Variants in RHEX observed in about 807,000 individuals in gnomAD.
RHEX encodes the protein regulator of hemoglobinization and erythroid cell expansion protein.
Under a neutral mutation model 20.1 loss-of-function variants are expected in RHEX, and 18 were observed. The observed-to-expected ratio is 0.90, with a 90% CI of 0.62 to 1.33. RHEX has a LOEUF of 1.33. Ranked by LOEUF, RHEX falls within the 40% of genes most tolerant of loss-of-function variation. RHEX has a pLI of 0.00. For synonymous variants in RHEX, 87 were observed against 77.1 expected, an observed-to-expected ratio of 1.13 and a Z score of -0.67; for missense variants, 192 against 214.3, an observed-to-expected ratio of 0.90 and a Z score of 0.65.
chr1:206,094,433 G>T (rs1663026503), intron 1 of RHEX, among the ~76,000 whole-genome samples: 1 of 152,200 alleles, frequency 6.6e-6, no homozygotes, highest in South Asian at 2.1e-4. Flanking sequence ...CACCATCGTG[G>T]TGGAGGATTT....
At chr1:206,053,720 G>T (rs955484572) in intron 1 of RHEX, among the ~76,000 whole-genome samples, 47 of 152,188 alleles carry the variant, frequency 3.1e-4, no homozygotes, top group Non-Finnish European at 5.9e-4. Flanking sequence ...AAGGAAGCCT[G>T]GACAGGTCCC....
chr1:206,101,685 C>T (rs1213389846), intron 5 of RHEX, 67 bp from the exon 6 acceptor site: 22 of 1,234,114 alleles, frequency 1.8e-5, no homozygotes, highest in Non-Finnish European at 2.2e-5. Flanking sequence ...AGAGTTCAGT[C>T]CTGGGGTCTT....
intron 1 of RHEX, among the ~76,000 whole-genome samples, chr1:206,059,540 G>T (rs1222414818): frequency 6.6e-6 from 1 of 152,124 alleles, no homozygotes; most frequent in Non-Finnish European, 1.5e-5. Flanking sequence ...TGGCCTGAGG[G>T]GTGCTATCTG....
chr1:206,096,291 C>T (rs1663066986), intron 1 of RHEX, among the ~76,000 whole-genome samples: 2 of 152,256 alleles, frequency 1.3e-5, no homozygotes, highest in South Asian at 2.1e-4. Context: ...AGGCAACCTA[C>T]TGGCCAACCC....
intron 5 of RHEX, 21 bp from the exon 6 acceptor site, chr1:206,101,729 CAT>C: frequency 6.3e-7 from 1 of 1,588,858 alleles, no homozygotes; most frequent in Non-Finnish European, 8.6e-7. Flanking sequence ...TCTTGACCCA[CAT>C]GTCTCTGCTT....
chr1:206,095,772 T>C (rs367755539), intron 1 of RHEX, among the ~76,000 whole-genome samples: 1 of 151,874 alleles, frequency 6.6e-6, no homozygotes, highest in African/African-American at 2.4e-5. Flanking sequence ...GCCGAGATCG[T>C]GTCATTGTAC....
Position 206,099,186 on chromosome 1 carries a change from C to T in RHEX, c.113-469C>T, listed in dbSNP as rs781907296. Among the ~76,000 whole-genome samples, 7 of 152,070 alleles carry T rather than the reference C, an allele frequency of 4.6e-5. No individual in the cohort carries two copies. In the East Asian group the frequency reaches 5.8e-4, roughly 13 times the overall value. On this transcript the variant is annotated intron_variant, in intron 3 of 5. Coordinates refer to ENST00000331555, the MANE Select transcript of RHEX (RefSeq NM_001007544.4). The stretch of plus-strand genomic sequence containing the variant: ...GGGACTTGGCTTTTTCCAAGTGAGG[C>T]GTGGAACCATGGCAGGGTTTTGAGC...
intron 1 of RHEX, among the ~76,000 whole-genome samples, chr1:206,076,566 T>G (rs1662641207): frequency 6.6e-6 from 1 of 152,244 alleles, no homozygotes; most frequent in African/African-American, 2.4e-5. Flanking sequence ...GATTTTCTTG[T>G]TCCTTGACAA....
intron 1 of RHEX, among the ~76,000 whole-genome samples, chr1:206,088,677 G>A (rs1313506062): frequency 6.6e-6 from 1 of 152,140 alleles, no homozygotes; most frequent in South Asian, 2.1e-4. Flanking sequence ...GCGAGACTCC[G>A]TCTCAAAAAA....
intron 1 of RHEX, among the ~76,000 whole-genome samples, chr1:206,081,139 A>G (rs1329532212): frequency 2.6e-5 from 4 of 152,202 alleles, no homozygotes; most frequent in Non-Finnish European, 4.4e-5. Flanking sequence ...CTTTTGGAGC[A>G]AATCATCTTC....
chr1:206,085,319 C>T (rs1553286328), intron 1 of RHEX, among the ~76,000 whole-genome samples: 1 of 152,150 alleles, frequency 6.6e-6, no homozygotes, highest in African/African-American at 2.4e-5. Context: ...TATATGCAGT[C>T]CCAGCCAACA....
intron 1 of RHEX, among the ~76,000 whole-genome samples, chr1:206,092,076 CTTTCTTTCT>C (rs556846353): frequency 9.4e-4 from 141 of 150,688 alleles, no homozygotes; most frequent in African/African-American, 3.3e-3. Context: ...CTCTCTCTTT[CTTTCTTTCT>C]TTTCTTTCTT....
intron 1 of RHEX, among the ~76,000 whole-genome samples, chr1:206,088,259 T>C (rs1662876686): frequency 6.6e-6 from 1 of 152,240 alleles, no homozygotes; most frequent in South Asian, 2.1e-4. Flanking sequence ...CTGGTTTTGT[T>C]AACACTTACA....
chr1:206,055,339 T>C (rs1662165642), intron 1 of RHEX, among the ~76,000 whole-genome samples: 3 of 152,264 alleles, frequency 2.0e-5, no homozygotes, highest in Admixed American at 6.5e-5. Flanking sequence ...CAGTCAGCCC[T>C]TGTTCATCCC....
Position 206,067,156 on chromosome 1 carries a change from C to A in RHEX, c.-97+13891C>A, listed in dbSNP as rs2102310717. Among the ~76,000 whole-genome samples, 1 of 152,308 alleles carries A rather than the reference C, an allele frequency of 6.6e-6. No individual in the cohort carries two copies. Among genetic ancestry groups the A allele is most frequent in the South Asian group, 2.1e-4 (1 of 4,822 alleles). On this transcript the variant is annotated intron_variant, in intron 1 of 5. Transcript: ENST00000331555. The surrounding 1 kb of genome is among the most constrained non-coding windows in gnomAD (Gnocchi z 4.6). ...CTGGTAATAACACAAAGAGGGGGTA[C>A]TGAGGCATATCTAACCTCCTATCTC...
intron 1 of RHEX, among the ~76,000 whole-genome samples, chr1:206,091,924 A>G (rs1195491745): frequency 6.6e-6 from 1 of 152,154 alleles, no homozygotes; most frequent in Non-Finnish European, 1.5e-5. Flanking sequence ...CTTGTAGAAT[A>G]ATAATTATGT....
At chr1:206,073,277 A>T (rs1662569199) in intron 1 of RHEX, among the ~76,000 whole-genome samples, 1 of 152,064 alleles carries the variant, frequency 6.6e-6, no homozygotes, top group South Asian at 2.1e-4. Context: ...TTGCTTGCTG[A>T]TGCCACTAAA....
intron 1 of RHEX, among the ~76,000 whole-genome samples, chr1:206,096,738 AT>A (rs1287003809): frequency 9.6e-6 from 1 of 103,844 alleles, no homozygotes; most frequent in Non-Finnish European, 2.2e-5. Context: ...TACACTTTTT[AT>A]TTTTTATTTT....
At chr1:206,098,303 C>A (rs944348143) in intron 3 of RHEX, 122 bp downstream of exon 3, 10 of 680,294 alleles carry the variant, frequency 1.5e-5, no homozygotes, top group Non-Finnish European at 2.6e-5. Context: ...GAGGACCCAC[C>A]GGCCAAATTC....
Sources: allele counts gnomAD v4.1 joint callset (sites outside exome capture counted in the v4.1 genomes callset), GRCh38; gene constraint gnomAD v4.1.1; non-coding constraint Gnocchi (gnomAD v3.1); transcripts MANE v1.5; gene names NCBI Gene and HGNC (gene_info 2026-07-23, HGNC 2026-07-21).